Variants in NOX4 observed in about 807,000 individuals in gnomAD.
NOX4 encodes kidney oxidase-1.
Under a neutral mutation model 87.6 loss-of-function variants are expected in NOX4, and 69 were observed. The ratio of observed to expected loss-of-function variants is 0.79; its 90% confidence interval spans 0.65 to 0.96. The LOEUF is 0.96. NOX4 is among the 40% of genes least tolerant of loss of function. The probability of loss-of-function intolerance (pLI) is 0.00; values close to 1 mark genes in which losing one functional copy is unlikely to be tolerated. For synonymous variants in NOX4, 275 were observed against 238.2 expected, an observed-to-expected ratio of 1.15 and a Z score of -1.42; for missense variants, 680 against 681.5, an observed-to-expected ratio of 1.00 and a Z score of 0.02.
intron 2 of NOX4, among the ~76,000 whole-genome samples, chr11:89,471,604 A>T (rs1349436291): frequency 6.6e-6 from 1 of 152,202 alleles, no homozygotes; most frequent in East Asian, 1.9e-4. Context: ...ATAAATTATA[A>T]TGGGAATAAA....
At chr11:89,508,564 T>A in the NOX4 span, among the ~76,000 whole-genome samples, 1 of 152,090 alleles carries the variant, frequency 6.6e-6, no homozygotes, top group Non-Finnish European at 1.5e-5. Flanking sequence ...AAATGACATG[T>A]CATAACTTTT....
In NOX4 at chr11:89,376,741, G is replaced by C. The variant is rs1939869597; in HGVS notation, c.1075-3249C>G. Among the ~76,000 whole-genome samples the C allele has an allele frequency of 2.6e-5, 4 of 152,108 alleles. No homozygotes were observed. In the South Asian group the frequency reaches 8.3e-4, roughly 32 times the overall value. On this transcript the variant is annotated intron_variant, in intron 11 of 17. Coordinates refer to ENST00000263317, the MANE Select transcript of NOX4 (RefSeq NM_016931.5). ...ACTAAAAATACAAAAAATTAGCCAGGCATGGTGGTAGGTGCCTGTGGTCCC... is the reference window on the plus strand; with the variant it reads ...ACTAAAAATACAAAAAATTAGCCAGCCATGGTGGTAGGTGCCTGTGGTCCC...
At chr11:89,406,851 T>C (rs1942214160) in intron 8 of NOX4, among the ~76,000 whole-genome samples, 1 of 152,000 alleles carries the variant, frequency 6.6e-6, no homozygotes, top group Admixed American at 6.6e-5. Context: ...TATAAACATA[T>C]GATAACCTCT....
At chr11:89,518,552 T>C in the NOX4 span, among the ~76,000 whole-genome samples, 3 of 152,242 alleles carry the variant, frequency 2.0e-5, no homozygotes, top group South Asian at 2.1e-4. Context: ...TGCAAGAGCA[T>C]GTCAGGAGCA....
At chr11:89,438,002 A>G (rs555766427) in intron 6 of NOX4, among the ~76,000 whole-genome samples, 43 of 151,850 alleles carry the variant, frequency 2.8e-4, no homozygotes, top group African/African-American at 1.0e-3. Context: ...AGCAGCTCCC[A>G]AAGTACCTGG....
intron 11 of NOX4, among the ~76,000 whole-genome samples, chr11:89,394,079 T>G (rs1941307166): frequency 6.6e-6 from 1 of 151,276 alleles, no homozygotes; most frequent in Admixed American, 6.6e-5. Flanking sequence ...AGGGACTTAC[T>G]TAAAGCCCTT....
At chr11:89,524,967 T>C in the NOX4 span, among the ~76,000 whole-genome samples, 1 of 152,126 alleles carries the variant, frequency 6.6e-6, no homozygotes. Context: ...TGTGTATAGC[T>C]TCTTTCATTC....
At chr11:89,352,933 C>T (rs959948483) in intron 13 of NOX4, among the ~76,000 whole-genome samples, 42 of 152,140 alleles carry the variant, frequency 2.8e-4, no homozygotes, top group African/African-American at 9.9e-4. Context: ...AATTCTCCTG[C>T]CTCAGCCTCC....
chr11:89,510,713 G>A, the NOX4 span, among the ~76,000 whole-genome samples: 3 of 152,022 alleles, frequency 2.0e-5, no homozygotes, highest in African/African-American at 7.2e-5. Context: ...AAATTTTTTT[G>A]AAATAGGATT....
intron 2 of NOX4, among the ~76,000 whole-genome samples, chr11:89,486,494 GCATATATACA>G (rs971343839): frequency 6.9e-6 from 1 of 145,664 alleles, no homozygotes; most frequent in African/African-American, 2.5e-5. Flanking sequence ...GTGTTTGTGT[GCATATATACA>G]CATATATACA....
At chr11:89,536,446 ATCTGG>A in the NOX4 span, among the ~76,000 whole-genome samples, 3 of 152,152 alleles carry the variant, frequency 2.0e-5, no homozygotes, top group East Asian at 5.8e-4. Context: ...TTGCCCAGCG[ATCTGG>A]TCCTTTTCTA....
chr11:89,453,442 T>C (rs1945055079), intron 2 of NOX4, among the ~76,000 whole-genome samples: 1 of 152,224 alleles, frequency 6.6e-6, no homozygotes, highest in African/African-American at 2.4e-5. Flanking sequence ...AGGAGGAGGA[T>C]ATATCCATTC....
At chr11:89,552,839 G>A in the NOX4 span, among the ~76,000 whole-genome samples, 28 of 151,068 alleles carry the variant, frequency 1.9e-4, no homozygotes, top group African/African-American at 6.4e-4. Flanking sequence ...CTTACTGTGA[G>A]TCAAAATCAG....
At chr11:89,549,428 T>C in the NOX4 span, among the ~76,000 whole-genome samples, 1 of 152,206 alleles carries the variant, frequency 6.6e-6, no homozygotes, top group Non-Finnish European at 1.5e-5. Flanking sequence ...AAAACACTTT[T>C]TATGTATTAT....
chr11:89,326,834 G>A lies in NOX4; in HGVS notation c.1659C>T (p.Ser553=), dbSNP rs28517716. The part of the protein sequence containing the change: ...GVFCCGPNSL[S]KTLHKLSNQN... The stretch of plus-strand genomic sequence containing the variant: ...GGTTACTCAGTTTATGAAGAGTCTT[G>A]GATAGTGAATTGGGTCCACAACAGA... The change falls in exon 18 of 18, where the codon TCC becomes TCT. Residue 553 remains serine (S), a synonymous_variant. Transcript: ENST00000263317. 0.06 allele frequency: 96,447 copies of A among 1,612,362 alleles called. 4,215 individuals carry two copies. Among genetic ancestry groups the A allele is most frequent in the African/African-American group, 0.19 (14,432 of 74,822 alleles).
At chr11:89,467,512 A>G (rs1359487426) in intron 2 of NOX4, among the ~76,000 whole-genome samples, 1 of 152,154 alleles carries the variant, frequency 6.6e-6, no homozygotes, top group Non-Finnish European at 1.5e-5. Context: ...TCCGGAGTCT[A>G]CAAGTTCAAG....
chr11:89,417,156 C>A (rs1942827102), intron 8 of NOX4, among the ~76,000 whole-genome samples: 1 of 152,134 alleles, frequency 6.6e-6, no homozygotes, highest in African/African-American at 2.4e-5. Flanking sequence ...GGTGCCAAAT[C>A]TCATTTACAA....
Position 89,491,346 on chromosome 11 carries a change from T to A in NOX4, c.-100A>T. On this transcript the variant is annotated 5_prime_UTR_variant, in exon 1 of 18. Transcript: ENST00000263317. Reference sequence around the variant, plus strand: ...ACAGTTGTGCGGCCTGCCGGGCCGCTGAGCGAGGACCGAGGGTCAAAGACT... The same window carrying A: ...ACAGTTGTGCGGCCTGCCGGGCCGCAGAGCGAGGACCGAGGGTCAAAGACT... 8.9e-7 allele frequency: 1 copy of A among 1,123,342 alleles called. No individual in the cohort carries two copies. Among genetic ancestry groups the A allele is most frequent in the Non-Finnish European group, 1.3e-6 (1 of 797,862 alleles). The allele number at this position is 1,123,342 out of a possible 1,614,324, so 69.6% of individuals were successfully genotyped here.
intron 2 of NOX4, among the ~76,000 whole-genome samples, chr11:89,460,906 C>G (rs1310947450): frequency 6.6e-6 from 1 of 152,142 alleles, no homozygotes; most frequent in Non-Finnish European, 1.5e-5. Context: ...TTGGAACCAA[C>G]CCAAATGTCC....
Sources: allele counts gnomAD v4.1 joint callset (sites outside exome capture counted in the v4.1 genomes callset), GRCh38; gene constraint gnomAD v4.1.1; transcripts MANE v1.5; gene names NCBI Gene and HGNC (gene_info 2026-07-23, HGNC 2026-07-21).